The following ADGRG4 variants were observed in gnomAD, a reference collection of about 807,000 sequenced individuals.
The protein encoded by ADGRG4 is adhesion G protein-coupled receptor G4, also known as G protein-coupled receptor 112.
In ADGRG4, 122 loss-of-function variants were observed where a neutral mutation model predicts 126.2. That is an observed-to-expected ratio of 0.97 (90% CI 0.83 to 1.12). ADGRG4 has a LOEUF of 1.12. ADGRG4 is among the 50% of genes most tolerant of loss of function. The probability of loss-of-function intolerance (pLI) is 0.00; values close to 1 mark genes in which losing one functional copy is unlikely to be tolerated. For synonymous variants in ADGRG4, 943 were observed against 838.7 expected, an observed-to-expected ratio of 1.12 and a Z score of -2.15; for missense variants, 2,481 against 2,251.8, an observed-to-expected ratio of 1.10 and a Z score of -2.06.
intron 5 of ADGRG4, among the ~76,000 whole-genome samples, chrX:136,339,581 G>T (rs748963388): frequency 8.9e-6 from 1 of 112,480 alleles, no homozygotes; most frequent in Admixed American, 9.4e-5. Flanking sequence ...TCTGTTTCTA[G>T]GTTGGGGATT....
intron 22 of ADGRG4, among the ~76,000 whole-genome samples, chrX:136,404,780 T>G (rs762135669): frequency 8.9e-6 from 1 of 112,200 alleles, no homozygotes; most frequent in South Asian, 3.7e-4. Context: ...TTCAGGGAAC[T>G]CTAGGTGTCA....
At chrX:136,308,270 AT>A (rs1020605489) in intron 3 of ADGRG4, among the ~76,000 whole-genome samples, 8 of 108,629 alleles carry the variant, frequency 7.4e-5, no homozygotes, top group African/African-American at 1.0e-4. Context: ...TGCCCAGATA[AT>A]TTTTTTTTTG....
intron 4 of ADGRG4, among the ~76,000 whole-genome samples, chrX:136,318,903 A>G (rs1316696650): frequency 3.6e-5 from 4 of 112,466 alleles, no homozygotes; most frequent in African/African-American, 1.3e-4. Flanking sequence ...AAAAACAGTA[A>G]GGAAGACAAT....
At position 136,350,143 on chromosome X, in the gene ADGRG4, C is replaced by T. The variant is rs2075051664; in HGVS notation, c.6437C>T (p.Pro2146Leu). The change falls in exon 6 of 26, where the codon CCT (proline) becomes CTT (leucine). Residue 2146 changes from proline to leucine, a missense_variant. Transcript: ENST00000394143. ...TDHTLSVGAMPLPSSTITSSW... is the reference protein window; with the variant it reads ...TDHTLSVGAMLLPSSTITSSW... ...CACACTCTATCTGTTGGTGCCATGC[C>T]TCTGCCTAGCTCTACAATAACATCT... 36 of 1,207,997 alleles carry T rather than the reference C, an allele frequency of 3.0e-5. No individual in the cohort carries two copies. The highest frequency in any genetic ancestry group is 3.9e-5 in the Non-Finnish European group (35 of 893,699).
chrX:136,406,929 A>AT (rs1386224113), intron 23 of ADGRG4, among the ~76,000 whole-genome samples: 2 of 108,441 alleles, frequency 1.8e-5, no homozygotes, highest in African/African-American at 7.0e-5. Flanking sequence ...AAAAAAAAAA[A>AT]GCTAGAGTCT....
Position 136,335,343 on chromosome X carries a change from C to CT in ADGRG4, c.686-9036dup, listed in dbSNP as rs75317100. On this transcript the variant is annotated intron_variant, in intron 5 of 25. Coordinates refer to ENST00000394143, the MANE Select transcript of ADGRG4 (RefSeq NM_153834.4). ...AGAGATATTGGTCTGTAATTTCTTT[C>CT]TTTTTTTTTTTTTACTGTCTCTGAT... Among the ~76,000 whole-genome samples the CT allele has an allele frequency of 6.1e-3, 604 of 99,659 alleles. 5 individuals are homozygous for CT. The highest frequency in any genetic ancestry group is 0.019 in the African/African-American group (519 of 27,686). 86.5% of individuals were successfully genotyped at this position (99,659 alleles called of 115,157 possible). A position where few individuals can be genotyped will look rare whatever the true frequency, so the allele number is the denominator to read the frequency against.
In ADGRG4 at chrX:136,322,830, A is replaced by G; in HGVS notation, c.123A>G (p.Thr41=). ...KKLDFFGRGD[T]YVSLIDTIPE... is the part of the protein sequence containing the mutation. ...TGGATTTTTTTGGAAGAGGTGACAC[A>G]TATGTAAGCCTGATAGATACCATTC... The change falls in exon 5 of 26, where the codon ACA becomes ACG. Residue 41 remains threonine (T), a synonymous_variant. Coordinates refer to ENST00000394143, the MANE Select transcript of ADGRG4 (RefSeq NM_153834.4). 1 of 1,205,280 alleles carries G rather than the reference A, an allele frequency of 8.3e-7. No homozygotes were observed. Among genetic ancestry groups the G allele is most frequent in the Non-Finnish European group, 1.1e-6 (1 of 891,805 alleles).
intron 4 of ADGRG4, among the ~76,000 whole-genome samples, chrX:136,320,463 T>C: frequency 8.9e-6 from 1 of 112,486 alleles, no homozygotes; most frequent in East Asian, 2.8e-4. Context: ...TATTCTGTCT[T>C]CTAAAATTCT....
rs893538625 is a variant in ADGRG4, at chrX:136,345,008, C to T, written c.1302C>T (p.Gly434=). The change falls in exon 6 of 26, where the codon GGC becomes GGT. Residue 434 remains glycine (G), a synonymous_variant. Transcript: ENST00000394143. ...NTGALPISTA[G]QEFIESTAAG... ...GGGCACTCCCTATCTCCACAGCTGG[C>T]CAGGAGTTCATTGAATCTACAGCTG... 3.3e-6 allele frequency: 4 copies of T among 1,209,690 alleles called. No homozygotes were observed. The African/African-American group carries it at 7.0e-5, about 21-fold the overall frequency.
intron 5 of ADGRG4, among the ~76,000 whole-genome samples, chrX:136,330,715 A>G (rs1264450134): frequency 9.0e-6 from 1 of 111,442 alleles, no homozygotes; most frequent in African/African-American, 3.3e-5. Context: ...TTCTGTGGGT[A>G]CATATTAGGT....
chrX:136,394,599 A>G (rs997376696), intron 18 of ADGRG4, among the ~76,000 whole-genome samples: 2 of 111,426 alleles, frequency 1.8e-5, no homozygotes, highest in African/African-American at 6.5e-5. Flanking sequence ...GTCCCCTACA[A>G]CCTCAATATG....
At chrX:136,362,798 T>C (rs1474810161) in intron 12 of ADGRG4, among the ~76,000 whole-genome samples, 1 of 111,797 alleles carries the variant, frequency 8.9e-6, no homozygotes, top group Non-Finnish European at 1.9e-5. Flanking sequence ...CCTTGGTAGT[T>C]TGATAGATTC....
In ADGRG4 at chrX:136,347,109, A is replaced by G; in HGVS notation, c.3403A>G (p.Thr1135Ala). 3 of 1,209,400 alleles carry G rather than the reference A, an allele frequency of 2.5e-6. No homozygotes were observed. The highest frequency in any genetic ancestry group is 3.4e-6 in the Non-Finnish European group (3 of 894,080). The change falls in exon 6 of 26, where the codon ACA (threonine) becomes GCA (alanine). Residue 1135 changes from threonine to alanine, a missense_variant. By Grantham distance (58) the Thr-to-Ala change is moderately conservative. Transcript: ENST00000394143. ...ETTLFSTSVD[T>A]VTPSTHTLVC... The stretch of plus-strand genomic sequence containing the variant: ...CACCCTTTTCTCTACCTCAGTTGAT[A>G]CAGTAACCCCATCTACACACACTCT...
rs769241889 is a variant in ADGRG4, at chrX:136,393,592, T to C, written c.8080+12T>C. 7.6e-6 allele frequency: 9 copies of C among 1,181,644 alleles called. No homozygotes were observed. The South Asian group carries it at 1.4e-4, about 19-fold the overall frequency. On this transcript the variant is annotated intron_variant, in intron 18 of 25. Coordinates refer to ENST00000394143, the MANE Select transcript of ADGRG4 (RefSeq NM_153834.4). ...TTTTGAGAATAATAGTAAGTATTTTTGTTAGCAACTTTGACTTTGCCCCAG... is the reference window on the plus strand; with the variant it reads ...TTTTGAGAATAATAGTAAGTATTTTCGTTAGCAACTTTGACTTTGCCCCAG...
chrX:136,371,704 T>G (rs2075195731), intron 14 of ADGRG4, among the ~76,000 whole-genome samples, 160 bp downstream of exon 14: 1 of 112,093 alleles, frequency 8.9e-6, no homozygotes, highest in Admixed American at 9.5e-5. Context: ...TACAGAATTT[T>G]TTCTCATTAT....
chrX:136,327,581 G>A (rs188212582), intron 5 of ADGRG4, among the ~76,000 whole-genome samples: 1 of 108,668 alleles, frequency 9.2e-6, no homozygotes, highest in African/African-American at 3.3e-5. Flanking sequence ...CTGTTTTTAG[G>A]GCTACATATA....
At chrX:136,386,596 C>T (rs959382909) in intron 15 of ADGRG4, among the ~76,000 whole-genome samples, 1 of 112,008 alleles carries the variant, frequency 8.9e-6, no homozygotes. Flanking sequence ...ACCCACATCC[C>T]AGTTGTGTGA....
At chrX:136,364,402 T>A (rs1424982718) in intron 13 of ADGRG4, among the ~76,000 whole-genome samples, 2 of 112,007 alleles carry the variant, frequency 1.8e-5, no homozygotes, top group Non-Finnish European at 3.8e-5. Flanking sequence ...TTCTTTACGT[T>A]GCTTTTTTCT....
intron 1 of ADGRG4, among the ~76,000 whole-genome samples, chrX:136,302,709 A>G (rs751088775): frequency 4.0e-4 from 45 of 112,133 alleles, no homozygotes; most frequent in African/African-American, 1.3e-3. Context: ...TGCGGACTAT[A>G]TGAATACTGT....
Sources: allele counts gnomAD v4.1 joint callset (sites outside exome capture counted in the v4.1 genomes callset), GRCh38; gene constraint gnomAD v4.1.1; transcripts MANE v1.5; gene names NCBI Gene and HGNC (gene_info 2026-07-23, HGNC 2026-07-21).